The following MOB4 variants were observed in gnomAD, a reference collection of about 807,000 sequenced individuals.
MOB4 encodes MOB-like protein phocein.
MOB4 carries 4 observed loss-of-function variants against 32.2 expected under a neutral mutation model. The observed-to-expected ratio is 0.12, with a 90% CI of 0.06 to 0.28. MOB4 has a LOEUF of 0.28. MOB4 is among the 10% of genes least tolerant of loss of function. MOB4 has a pLI of 1.00. For synonymous variants in MOB4, 88 were observed against 88.1 expected, an observed-to-expected ratio of 1.00 and a Z score of 0.01; for missense variants, 158 against 271.2, an observed-to-expected ratio of 0.58 and a Z score of 2.93.
intron 6 of MOB4, among the ~76,000 whole-genome samples, chr2:197,548,966 C>G (rs996089689): frequency 2.0e-5 from 3 of 152,136 alleles, no homozygotes; most frequent in Non-Finnish European, 4.4e-5. Flanking sequence ...CAGTGGCTCA[C>G]GGATGTAATC....
At chr2:197,538,215 A>G (rs1054413223) in intron 3 of MOB4, among the ~76,000 whole-genome samples, 4 of 151,900 alleles carry the variant, frequency 2.6e-5, no homozygotes, top group African/African-American at 7.3e-5. Context: ...AAAACATTAC[A>G]TAAAACTTTA....
At chr2:197,539,972 A>G (rs2086869444) in intron 3 of MOB4, 139 bp from the exon 4 acceptor site, 2 of 811,634 alleles carry the variant, frequency 2.5e-6, no homozygotes, top group Admixed American at 3.6e-5. Context: ...GAAATGTGTC[A>G]TTGTCAGTTT....
intron 1 of MOB4, among the ~76,000 whole-genome samples, chr2:197,520,228 G>A (rs1462218817): frequency 1.3e-5 from 2 of 150,294 alleles, no homozygotes; most frequent in Non-Finnish European, 1.5e-5. Flanking sequence ...TGTCTCCCAG[G>A]CTGGAGTGCA....
At chr2:197,543,210 C>T (rs1324219581) in intron 5 of MOB4, among the ~76,000 whole-genome samples, 1 of 152,020 alleles carries the variant, frequency 6.6e-6, no homozygotes, top group Non-Finnish European at 1.5e-5. Context: ...GGGAGAATCA[C>T]CTGAGCCCAA....
intron 2 of MOB4, among the ~76,000 whole-genome samples, chr2:197,529,597 C>T (rs1045911845): frequency 1.3e-5 from 2 of 152,066 alleles, no homozygotes; most frequent in Non-Finnish European, 2.9e-5. Flanking sequence ...AGTGATCCAT[C>T]CACCTCAGCC....
chr2:197,535,239 A>G (rs2061146), intron 2 of MOB4, among the ~76,000 whole-genome samples: 46,313 of 148,166 alleles, frequency 0.31, 9,416 homozygotes, highest in African/African-American at 0.58. Flanking sequence ...AAAAAAAAAA[A>G]AAAGAAATTA....
chr2:197,530,129 C>T (rs570737530), intron 2 of MOB4, among the ~76,000 whole-genome samples: 1 of 152,174 alleles, frequency 6.6e-6, no homozygotes, highest in Non-Finnish European at 1.5e-5. Context: ...GCCACCGTGT[C>T]TGGCTAATTT....
chr2:197,525,487 G>A (rs1488690654), intron 2 of MOB4, among the ~76,000 whole-genome samples: 2 of 152,110 alleles, frequency 1.3e-5, no homozygotes, highest in Non-Finnish European at 2.9e-5. Context: ...TGTAATCTTA[G>A]TACTTTGGGA....
At chr2:197,548,145 A>G (rs770465867) in intron 5 of MOB4, among the ~76,000 whole-genome samples, 191 bp from the exon 6 acceptor site, 1 of 152,152 alleles carries the variant, frequency 6.6e-6, no homozygotes, top group South Asian at 2.1e-4. Flanking sequence ...TAGAATTGTG[A>G]TATGGTTCAA....
intron 2 of MOB4, among the ~76,000 whole-genome samples, chr2:197,531,821 G>A (rs2086710749): frequency 1.3e-5 from 2 of 151,996 alleles, no homozygotes; most frequent in African/African-American, 2.4e-5. Context: ...AGGATTATAG[G>A]CAGGAGCCAC....
intron 2 of MOB4, among the ~76,000 whole-genome samples, chr2:197,531,298 C>T (rs1559318175): frequency 1.3e-5 from 2 of 151,820 alleles, no homozygotes; most frequent in African/African-American, 2.4e-5. Context: ...CCCACCTCGG[C>T]CTCCCAAAGT....
At position 197,550,286 on chromosome 2, in the gene MOB4, A is replaced by C; in HGVS notation, c.446A>C (p.Lys149Thr). ...TTTTCTACTTCTAGGGTTAGCATAA[A>C]GGAATCATCTGTAGCGAAACTAGGA... is the stretch of plus-strand genomic sequence containing the variant. ...NKYFPSRVSIKESSVAKLGSV... is the reference protein window; with the variant it reads ...NKYFPSRVSITESSVAKLGSV... Residue 149 changes from lysine to threonine, a missense_variant, in exon 7 of 8, where the codon AAG (lysine) becomes ACG (threonine). Around this residue, in one of 6 missense-constraint regions of MOB4, gnomAD observed 22 missense variants for 61.2 expected, o/e 0.36. Coordinates refer to ENST00000323303, the MANE Select transcript of MOB4 (RefSeq NM_015387.5). 6.2e-7 allele frequency: 1 copy of C among 1,612,614 alleles called. No individual in the cohort carries two copies. The highest frequency in any genetic ancestry group is 8.5e-7 in the Non-Finnish European group (1 of 1,179,794).
At chr2:197,537,662 T>A (rs1053797511) in intron 3 of MOB4, among the ~76,000 whole-genome samples, 2 of 152,236 alleles carry the variant, frequency 1.3e-5, no homozygotes, top group African/African-American at 4.8e-5. Flanking sequence ...TGCACAATAA[T>A]TCAAAGTACG....
intron 5 of MOB4, among the ~76,000 whole-genome samples, chr2:197,540,768 A>G (rs1213611807): frequency 6.6e-6 from 1 of 152,228 alleles, no homozygotes; most frequent in African/African-American, 2.4e-5. Flanking sequence ...TTCTTTTGAT[A>G]GGAAGAACTA....
At chr2:197,521,763 C>A (rs2086523671) in intron 1 of MOB4, among the ~76,000 whole-genome samples, 1 of 152,216 alleles carries the variant, frequency 6.6e-6, no homozygotes, top group African/African-American at 2.4e-5. Context: ...GCCCGGCTCA[C>A]CAGTGGTCAG....
intron 5 of MOB4, among the ~76,000 whole-genome samples, chr2:197,540,959 T>C (rs538134310): frequency 2.0e-5 from 3 of 151,948 alleles, no homozygotes; most frequent in African/African-American, 7.3e-5. Context: ...TGGAGTGCAG[T>C]GGTATGATCT....
rs2087107145 is a variant in MOB4 at position 197,552,037 on chromosome 2, T to C, written c.*1391T>C. The C allele has an allele frequency of 6.6e-6, 1 of 152,350 alleles. No homozygotes were observed. The highest frequency in any genetic ancestry group is 6.5e-5 in the Admixed American group (1 of 15,278). The allele number at this position is 152,350 out of a possible 1,614,324, so 9.4% of individuals were successfully genotyped here. A position where few individuals can be genotyped will look rare whatever the true frequency, so the allele number is the denominator to read the frequency against. The stretch of plus-strand genomic sequence containing the variant: ...GAAAATGTATTCATCTTAATTGTTT[T>C]TTCAAATTTAAGGGAATAATTTATA... On this transcript the variant is annotated 3_prime_UTR_variant, in exon 8 of 8. Transcript: ENST00000323303.
chr2:197,538,699 A>AT lies in MOB4; in HGVS notation c.225-1410dup, dbSNP rs556429886. Among the ~76,000 whole-genome samples the AT allele has an allele frequency of 4.0e-3, 613 of 152,300 alleles. 8 individuals are homozygous for AT. The highest frequency in any genetic ancestry group is 0.014 in the African/African-American group (568 of 41,560). ...GTGAGTTTTGCATTATTTGCCACAGATTATACCCACAGCCCTGCTGAATCA... is the reference window on the plus strand; with the variant it reads ...GTGAGTTTTGCATTATTTGCCACAGATTTATACCCACAGCCCTGCTGAATCA... On this transcript the variant is annotated intron_variant, in intron 3 of 7. Coordinates refer to ENST00000323303, the MANE Select transcript of MOB4 (RefSeq NM_015387.5).
intron 2 of MOB4, among the ~76,000 whole-genome samples, chr2:197,535,214 C>A (rs2086777019): frequency 7.1e-6 from 1 of 140,660 alleles, no homozygotes. Flanking sequence ...TGCAGTGAGA[C>A]CCTGTTTCAA....
Sources: allele counts gnomAD v4.1 joint callset (sites outside exome capture counted in the v4.1 genomes callset), GRCh38; gene constraint gnomAD v4.1.1; regional missense constraint gnomAD v4.1.1; transcripts MANE v1.5; gene names NCBI Gene and HGNC (gene_info 2026-07-23, HGNC 2026-07-21).